DYNC2H1: variants seen among roughly 807,000 people sequenced by gnomAD.
DYNC2H1 encodes the protein cytoplasmic dynein 2 heavy chain 1.
DYNC2H1 carries 410 observed loss-of-function variants against 570.0 expected under a neutral mutation model. The observed-to-expected ratio is 0.72, with a 90% CI of 0.66 to 0.78. DYNC2H1 has a LOEUF of 0.78. Among genes scored for constraint, DYNC2H1 ranks in the 30% least tolerant of loss-of-function variants. DYNC2H1 has a pLI of 0.00. For missense variants in DYNC2H1, 4,865 were observed against 5,046.4 expected (o/e 0.96, Z 1.09); for synonymous variants, 1,688 against 1,677.6 (o/e 1.01, Z -0.15).
rs759722812 is a variant in DYNC2H1, at chr11:103,134,406, C to T, written c.2192C>T (p.Thr731Ile). The T allele has an allele frequency of 1.7e-5, 27 of 1,610,410 alleles. 1 individual carries two copies. The South Asian group carries it at 3.0e-4, about 18-fold the overall frequency. ...GLQELRTGLA[T>I]VEAQGFQASD... ...CAAGAATTGAGAACTGGCTTAGCAA[C>T]TGTAGAAGCACAGGTAGAGTATGTT... The change falls in exon 15 of 89, where the codon ACT (threonine) becomes ATT (isoleucine). Residue 731 changes from threonine (T) to isoleucine (I), a missense_variant. Thr to Ile is a moderately conservative substitution (Grantham distance 89). This residue lies in a region of DYNC2H1 where 1,936 missense variants were observed against 1,962.1 expected (regional missense o/e 0.99). Transcript: ENST00000375735.
chr11:103,283,504 T>G (rs1047882985), intron 73 of DYNC2H1, among the ~76,000 whole-genome samples: 2 of 152,166 alleles, frequency 1.3e-5, no homozygotes, highest in Non-Finnish European at 2.9e-5. Flanking sequence ...CTTCCCCTGC[T>G]TTTCTTCACA....
At position 103,421,559 on chromosome 11, in the gene DYNC2H1, A is replaced by AAAAC. The variant is rs1943490594; in HGVS notation, c.12367-14382_12367-14379dup. Reference sequence around the variant, plus strand: ...GAACTCAAGATTAAGAAATTAACTCAAAACACCACAACTACATGGGAATTG... The same window carrying AAAAC: ...GAACTCAAGATTAAGAAATTAACTCAAAACAAACACCACAACTACATGGGAATTG... On this transcript the variant is annotated intron_variant, in intron 84 of 88. Coordinates refer to ENST00000375735, the MANE Select transcript of DYNC2H1 (RefSeq NM_001377.3). Among the ~76,000 whole-genome samples, 3 of 152,208 alleles carry AAAAC rather than the reference A, an allele frequency of 2.0e-5. No individual in the cohort carries two copies. The South Asian group carries it at 6.2e-4, about 32-fold the overall frequency.
At chr11:103,432,596 T>C (rs550275844) in intron 84 of DYNC2H1, among the ~76,000 whole-genome samples, 26 of 152,216 alleles carry the variant, frequency 1.7e-4, no homozygotes, top group Admixed American at 1.4e-3. Context: ...TCGAATTTGC[T>C]TTTTGCCTAA....
Position 103,289,922 on chromosome 11 carries a change from G to A in DYNC2H1, c.11095+2317G>A, listed in dbSNP as rs139030905. ...AAGACATCCATGTAAAGACAGACAC[G>A]CAAGGAGAGTATAATGTGATTATGA... On this transcript the variant is annotated intron_variant, in intron 75 of 88. Transcript: ENST00000375735. This position sits in a 1 kb window ranked among gnomAD's most constrained non-coding sequence, Gnocchi z 4.2. Among the ~76,000 whole-genome samples the A allele has an allele frequency of 5.9e-5, 9 of 152,028 alleles. No homozygotes were observed. The highest frequency in any genetic ancestry group is 1.4e-4 in the African/African-American group (6 of 41,482).
chr11:103,125,802 T>G (rs1858967564), intron 12 of DYNC2H1, among the ~76,000 whole-genome samples: 1 of 152,206 alleles, frequency 6.6e-6, no homozygotes, highest in African/African-American at 2.4e-5. Context: ...ACTGACTGGT[T>G]TTGGCCTTTA....
intron 4 of DYNC2H1, 88 bp downstream of exon 4, chr11:103,115,383 T>A (rs1858334282): frequency 1.3e-6 from 1 of 782,422 alleles, no homozygotes; most frequent in African/African-American, 1.8e-5. Context: ...TGTTTTAAAA[T>A]GTACTTGATG....
chr11:103,161,060 T>C lies in DYNC2H1; in HGVS notation c.4491+16T>C, dbSNP rs200772018. ...TAATGTAGAGGTAAGCAATTCTTTTTCAAATATGAAAACAAAAAGAATTAA... is the reference window on the plus strand; with the variant it reads ...TAATGTAGAGGTAAGCAATTCTTTTCCAAATATGAAAACAAAAAGAATTAA... On this transcript the variant is annotated intron_variant, in intron 29 of 88. Transcript: ENST00000375735. 14 of 1,322,470 alleles carry C rather than the reference T, an allele frequency of 1.1e-5. No individual in the cohort carries two copies. The African/African-American group carries it at 2.1e-4, about 20-fold the overall frequency. 81.9% of individuals were successfully genotyped at this position (1,322,470 alleles called of 1,614,324 possible).
chr11:103,417,849 C>CT (rs564083683), intron 84 of DYNC2H1, among the ~76,000 whole-genome samples: 52 of 150,228 alleles, frequency 3.5e-4, no homozygotes, highest in Middle Eastern at 6.8e-3. Context: ...GCAGTCCAGC[C>CT]TGGACAACAG....
chr11:103,298,286 G>T (rs187443257), intron 75 of DYNC2H1, among the ~76,000 whole-genome samples: 1 of 151,998 alleles, frequency 6.6e-6, no homozygotes, highest in Admixed American at 6.6e-5. Context: ...TTGCTCAAAC[G>T]CATGTTAAAA....
chr11:103,423,047 T>C (rs977181038), intron 84 of DYNC2H1, among the ~76,000 whole-genome samples: 8 of 112,610 alleles, frequency 7.1e-5, no homozygotes, highest in Non-Finnish European at 1.0e-4. Flanking sequence ...GGGTCTACTG[T>C]AGACCGTTTT....
At chr11:103,428,537 CAGTTCAGTAGTGCAA>C (rs1463087895) in intron 84 of DYNC2H1, among the ~76,000 whole-genome samples, 1 of 152,132 alleles carries the variant, frequency 6.6e-6, no homozygotes. Flanking sequence ...TTTAAGTATA[CAGTTCAGTAGTGCAA>C]AGTACATTGA....
intron 82 of DYNC2H1, among the ~76,000 whole-genome samples, chr11:103,345,000 A>AT (rs11301114): frequency 1.3e-5 from 2 of 151,976 alleles, no homozygotes; most frequent in Non-Finnish European, 2.9e-5. Context: ...GGTTTTACAT[A>AT]TTTTTTAGTA....
At position 103,186,579 on chromosome 11, in the gene DYNC2H1, G is replaced by T; in HGVS notation, c.6893+78G>T. The T allele has an allele frequency of 6.7e-7, 1 of 1,495,588 alleles. No individual in the cohort carries two copies. The highest frequency in any genetic ancestry group is 8.9e-7 in the Non-Finnish European group (1 of 1,125,106). The allele number at this position is 1,495,588 out of a possible 1,614,324, so 92.6% of individuals were successfully genotyped here. A position where few individuals can be genotyped will look rare whatever the true frequency, so the allele number is the denominator to read the frequency against. On this transcript the variant is annotated intron_variant, in intron 42 of 88. Coordinates refer to ENST00000375735, the MANE Select transcript of DYNC2H1 (RefSeq NM_001377.3). This position sits in a 1 kb window ranked among gnomAD's most constrained non-coding sequence, Gnocchi z 4.5. Reference sequence around the variant, plus strand: ...TAATTGATTTAATGGCTTTTGTTATGTTTCTTTTGGTTAAAGTAGCATTTA... The same window carrying T: ...TAATTGATTTAATGGCTTTTGTTATTTTTCTTTTGGTTAAAGTAGCATTTA...
intron 81 of DYNC2H1, among the ~76,000 whole-genome samples, chr11:103,322,868 A>T (rs1268237744): frequency 6.6e-6 from 1 of 152,244 alleles, no homozygotes; most frequent in Non-Finnish European, 1.5e-5. Context: ...ACTCATGTAC[A>T]TGTACATATA....
chr11:103,244,466 T>C lies in DYNC2H1; in HGVS notation c.9918+675T>C, dbSNP rs1864533323. Among the ~76,000 whole-genome samples, 1 of 150,810 alleles carries C rather than the reference T, an allele frequency of 6.6e-6. No individual in the cohort carries two copies. Among genetic ancestry groups the C allele is most frequent in the Non-Finnish European group, 1.5e-5 (1 of 67,590 alleles). ...TTGTAAAATGGGGATATCTACCTTA[T>C]TTTTTGTGTGATAAGAATAATTATA... is the stretch of plus-strand genomic sequence containing the variant. On this transcript the variant is annotated intron_variant, in intron 64 of 88. Transcript: ENST00000375735. The surrounding 1 kb of genome is among the most constrained non-coding windows in gnomAD (Gnocchi z 4.3).
intron 87 of DYNC2H1, among the ~76,000 whole-genome samples, chr11:103,462,747 C>T (rs1021496856): frequency 6.6e-6 from 1 of 152,102 alleles, no homozygotes; most frequent in African/African-American, 2.4e-5. Context: ...TCATTGTGAG[C>T]TTCTTGTATA....
chr11:103,282,244 C>A lies in DYNC2H1; in HGVS notation c.10812+15C>A. On this transcript the variant is annotated intron_variant, in intron 72 of 88. Coordinates refer to ENST00000375735, the MANE Select transcript of DYNC2H1 (RefSeq NM_001377.3). Reference sequence around the variant, plus strand: ...TACGGAAAGCTGTAAGTTAAAATAACAAAATCTATTTTGCTCTTAAAGAAA... The same window carrying A: ...TACGGAAAGCTGTAAGTTAAAATAAAAAAATCTATTTTGCTCTTAAAGAAA... The A allele has an allele frequency of 6.2e-7, 1 of 1,605,724 alleles. No homozygotes were observed.
intron 60 of DYNC2H1, among the ~76,000 whole-genome samples, 194 bp from the exon 61 acceptor site, chr11:103,233,830 ATGTGTGTGTG>A (rs745355739): frequency 1.1e-3 from 81 of 75,874 alleles, no homozygotes; most frequent in South Asian, 3.8e-3. Context: ...GCTACACTTT[ATGTGTGTGTG>A]TGTGTGTGTG....
At position 103,257,607 on chromosome 11, in the gene DYNC2H1, G is replaced by A; in HGVS notation, c.10462-1G>A. The A allele has an allele frequency of 6.2e-7, 1 of 1,608,814 alleles. No homozygotes were observed. Among genetic ancestry groups the A allele is most frequent in the Non-Finnish European group, 8.5e-7 (1 of 1,176,936 alleles). On this transcript the variant is annotated splice_acceptor_variant, in intron 68 of 88. Transcript: ENST00000375735. LOFTEE classifies it high-confidence loss of function. Reference sequence around the variant, plus strand: ...TCCCCTACTGATCTCTTGATCCATAGGAACGGGATGCCTATCTCCCCCTGG... The same window carrying A: ...TCCCCTACTGATCTCTTGATCCATAAGAACGGGATGCCTATCTCCCCCTGG...
Sources: gnomAD v4.1 joint callset for allele counts (sites outside exome capture counted in the v4.1 genomes callset) on GRCh38, gnomAD v4.1.1 for gene constraint, gnomAD v4.1.1 regional missense constraint, Gnocchi (gnomAD v3.1) non-coding constraint, MANE v1.5 for transcripts, NCBI Gene and HGNC (gene_info 2026-07-23, HGNC 2026-07-21) for gene names.